Variants in ACER3 observed in about 807,000 individuals in gnomAD.
ACER3 encodes the protein alkaline ceramidase 3.
In ACER3, 16 loss-of-function variants were observed where a neutral mutation model predicts 48.9. The ratio of observed to expected loss-of-function variants is 0.33; its 90% confidence interval spans 0.22 to 0.50. The LOEUF (loss-of-function observed/expected upper bound fraction) is 0.50, where lower values mean the gene tolerates loss of function less well. Among genes scored for constraint, ACER3 ranks in the 20% least tolerant of loss-of-function variants. The pLI, the probability that ACER3 is intolerant of heterozygous loss-of-function variation, is 0.98. For synonymous variants in ACER3, 109 were observed against 107.8 expected (o/e 1.01, Z -0.07); for missense variants, 227 against 326.0 (o/e 0.70, Z 2.34).
At chr11:76,987,409 G>GA (rs1439203309) in intron 5 of ACER3, among the ~76,000 whole-genome samples, 1 of 152,160 alleles carries the variant, frequency 6.6e-6, no homozygotes, top group Non-Finnish European at 1.5e-5. Flanking sequence ...ATCAAAACAG[G>GA]AAACTTGGAG....
chr11:76,917,913 A>G (rs904401116), intron 1 of ACER3, among the ~76,000 whole-genome samples: 4 of 151,952 alleles, frequency 2.6e-5, no homozygotes, highest in African/African-American at 9.7e-5. Flanking sequence ...CTCTTGTAGT[A>G]ATAAAAATCC....
chr11:76,889,181 C>T (rs770121745), intron 1 of ACER3, among the ~76,000 whole-genome samples: 22 of 152,132 alleles, frequency 1.4e-4, no homozygotes, highest in Non-Finnish European at 2.5e-4. Context: ...AACCCAACCT[C>T]CTATGGTACT....
intron 1 of ACER3, among the ~76,000 whole-genome samples, chr11:76,915,237 AG>A (rs1241515653): frequency 6.6e-6 from 1 of 151,882 alleles, no homozygotes; most frequent in Non-Finnish European, 1.5e-5. Context: ...AGACAGCAAA[AG>A]AAGACAGAAA....
chr11:76,982,969 G>A (rs1453554888), intron 4 of ACER3, among the ~76,000 whole-genome samples: 4 of 152,094 alleles, frequency 2.6e-5, no homozygotes, highest in Non-Finnish European at 4.4e-5. Context: ...TCCTCATACT[G>A]TCTAGTTACT....
In ACER3 at chr11:76,966,797, C is replaced by T. The variant is rs11535858; in HGVS notation, c.267+7766C>T. Reference sequence around the variant, plus strand: ...ACAACATACCAGAATCTCTGGAACACATTCAAAGCAGTGTGTAGAGGGAAA... The same window carrying T: ...ACAACATACCAGAATCTCTGGAACATATTCAAAGCAGTGTGTAGAGGGAAA... On this transcript the variant is annotated intron_variant, in intron 3 of 10. Transcript: ENST00000532485. 2.1e-4 allele frequency among the ~76,000 whole-genome samples: 31 copies of T among 150,872 alleles called. No homozygotes were observed. The East Asian group carries it at 4.7e-3, about 23-fold the overall frequency.
At chr11:77,020,244 C>T (rs1555024144) in intron 10 of ACER3, 30 bp from the exon 11 acceptor site, 1 of 1,609,102 alleles carries the variant, frequency 6.2e-7, no homozygotes, top group Non-Finnish European at 8.5e-7. Context: ...TCTGTCTTTT[C>T]TCATTTTGTC....
chr11:76,903,449 C>T (rs1233839206), intron 1 of ACER3, among the ~76,000 whole-genome samples: 1 of 100,620 alleles, frequency 9.9e-6, no homozygotes, highest in Non-Finnish European at 2.0e-5. Flanking sequence ...CCTCCCACCC[C>T]CCCACCCGCC....
intron 1 of ACER3, among the ~76,000 whole-genome samples, chr11:76,865,103 C>T (rs1945041616): frequency 6.7e-6 from 1 of 150,278 alleles, no homozygotes; most frequent in Admixed American, 6.6e-5. Context: ...TACCCCATAG[C>T]TGGGACTACA....
intron 8 of ACER3, 35 bp downstream of exon 8, chr11:77,015,152 T>G: frequency 8.3e-7 from 1 of 1,208,240 alleles, no homozygotes; most frequent in Non-Finnish European, 1.2e-6. Context: ...GAAATATTTT[T>G]GGAAGCATTT....
At chr11:77,010,979 C>T (rs540359723) in intron 7 of ACER3, among the ~76,000 whole-genome samples, 15 of 152,308 alleles carry the variant, frequency 9.8e-5, no homozygotes, top group South Asian at 8.3e-4. Context: ...TACTGAAAGA[C>T]GTGCTTCGCC....
rs183972080 is a variant in ACER3, at chr11:76,979,666, G to A, written c.320+3325G>A. On this transcript the variant is annotated intron_variant, in intron 4 of 10. Transcript: ENST00000532485. ...AGACCCTGTCCCCCCCAGAAAAAAA[G>A]ATATAGAACGGGGATCAGAAAACTT... is the stretch of plus-strand genomic sequence containing the variant. Among the ~76,000 whole-genome samples the A allele has an allele frequency of 6.6e-5, 10 of 151,892 alleles. No homozygotes were observed. The East Asian group carries it at 2.0e-3, about 30-fold the overall frequency.
intron 4 of ACER3, among the ~76,000 whole-genome samples, chr11:76,983,796 ATTT>A (rs35508689): frequency 6.9e-6 from 1 of 144,142 alleles, no homozygotes; most frequent in Middle Eastern, 3.7e-3. Flanking sequence ...ACCTCTAATG[ATTT>A]TTTTTTTTTT....
intron 1 of ACER3, among the ~76,000 whole-genome samples, chr11:76,877,981 G>A (rs941903298): frequency 6.6e-6 from 1 of 151,486 alleles, no homozygotes; most frequent in Non-Finnish European, 1.5e-5. Flanking sequence ...ATGCTCCTGA[G>A]AATTGACTGT....
intron 1 of ACER3, among the ~76,000 whole-genome samples, chr11:76,864,955 A>G (rs1325270098): frequency 7.2e-6 from 1 of 138,696 alleles, no homozygotes; most frequent in Non-Finnish European, 1.5e-5. Flanking sequence ...AGCTACAGCT[A>G]CACTAATGAG....
chr11:76,933,065 A>C (rs1947052862), intron 2 of ACER3, among the ~76,000 whole-genome samples: 2 of 151,736 alleles, frequency 1.3e-5, no homozygotes, highest in African/African-American at 4.8e-5. Flanking sequence ...TGCGTTAGTG[A>C]AAGGAAAGAA....
chr11:76,898,721 G>A (rs1439564681), intron 1 of ACER3, among the ~76,000 whole-genome samples: 16 of 147,666 alleles, frequency 1.1e-4, no homozygotes, highest in African/African-American at 3.4e-4. Context: ...CGGCTAAAAC[G>A]GTGAAACCCC....
chr11:76,899,760 T>A (rs1157135751), intron 1 of ACER3, among the ~76,000 whole-genome samples: 3 of 152,210 alleles, frequency 2.0e-5, no homozygotes, highest in African/African-American at 7.2e-5. Context: ...ACATGTTACT[T>A]TGCAAGATTC....
intron 1 of ACER3, among the ~76,000 whole-genome samples, chr11:76,918,940 A>G (rs1329091325): frequency 6.6e-6 from 1 of 151,320 alleles, no homozygotes; most frequent in Non-Finnish European, 1.5e-5. Context: ...GTTTAACATT[A>G]TTTGAAGATC....
intron 1 of ACER3, among the ~76,000 whole-genome samples, chr11:76,880,638 G>C (rs949715800): frequency 6.6e-6 from 1 of 152,218 alleles, no homozygotes; most frequent in African/African-American, 2.4e-5. Flanking sequence ...CAGGGCATGG[G>C]ATGGGGCCCC....
Sources: gnomAD v4.1 joint callset for allele counts (sites outside exome capture counted in the v4.1 genomes callset) on GRCh38, gnomAD v4.1.1 for gene constraint, MANE v1.5 for transcripts, NCBI Gene and HGNC (gene_info 2026-07-23, HGNC 2026-07-21) for gene names.